RAG1: variants seen among roughly 807,000 people sequenced by gnomAD.
RAG1 encodes recombination activating 1, also known as V(D)J recombination-activating protein 1.
A neutral mutation model predicts 62.7 loss-of-function variants in RAG1; 35 were observed. The ratio of observed to expected loss-of-function variants is 0.56; its 90% CI spans 0.43 to 0.74. The LOEUF (loss-of-function observed/expected upper bound fraction) is 0.74, where lower values mean the gene tolerates loss of function less well. Among genes scored for constraint, RAG1 ranks in the 30% least tolerant of loss-of-function variants. The pLI, the probability that RAG1 is intolerant of heterozygous loss-of-function variation, is 0.00. For missense variants in RAG1, 1,169 were observed against 1,278.6 expected, an observed-to-expected ratio of 0.91 and a Z score of 1.31; for synonymous variants, 461 against 470.3, an observed-to-expected ratio of 0.98 and a Z score of 0.26.
At chr11:36,533,504 G>A (rs1487722183) in intron 2 of RAG1, among the ~76,000 whole-genome samples, 2 of 152,134 alleles carry the variant, frequency 1.3e-5, no homozygotes, top group African/African-American at 4.8e-5. Context: ...AAACTTTTGT[G>A]AACTCAAAGA....
chr11:36,533,430 TG>T (rs764923766), intron 2 of RAG1, among the ~76,000 whole-genome samples: 1 of 152,212 alleles, frequency 6.6e-6, no homozygotes, highest in Non-Finnish European at 1.5e-5. Flanking sequence ...TGAGGCATAT[TG>T]GTAAGCAGTG....
chr11:36,562,170 T>C (rs1413889891), intron 3 of RAG1, among the ~76,000 whole-genome samples: 2 of 152,128 alleles, frequency 1.3e-5, no homozygotes, highest in African/African-American at 4.8e-5. Flanking sequence ...AGATTAGAAT[T>C]TGTTGACTGA....
In RAG1 at chr11:36,574,027, C is replaced by G; in HGVS notation, c.723C>G (p.Asp241Glu). The G allele has an allele frequency of 6.2e-7, 1 of 1,614,128 alleles. No homozygotes were observed. The highest frequency in any genetic ancestry group is 8.5e-7 in the Non-Finnish European group (1 of 1,180,032). The change falls in exon 2 of 2, where the codon GAC becomes GAG. Residue 241 changes from aspartate (D) to glutamate (E), a missense_variant. By Grantham distance (45) the Asp-to-Glu change is conservative. Transcript: ENST00000299440. ...QLSKKLKTVL[D>E]QARQARQHKR... ...GCAAAAAACTCAAAACTGTGCTTGA[C>G]CAAGCAAGACAAGCCCGTCAGCACA...
chr11:36,537,368 G>T (rs898597469), downstream of RAG1, among the ~76,000 whole-genome samples: 3 of 152,112 alleles, frequency 2.0e-5, no homozygotes, highest in Non-Finnish European at 4.4e-5. Flanking sequence ...CATATTTAGG[G>T]TCTTGATTGT....
chr11:36,547,662 C>A (rs553594938), intron 3 of RAG1, among the ~76,000 whole-genome samples: 1 of 152,110 alleles, frequency 6.6e-6, no homozygotes, highest in African/African-American at 2.4e-5. Flanking sequence ...AAGTCCAGGA[C>A]CAGATGGATT....
chr11:36,523,134 C>T (rs7949937), intron 2 of RAG1, among the ~76,000 whole-genome samples: 4 of 152,034 alleles, frequency 2.6e-5, no homozygotes, highest in Admixed American at 6.6e-5. Context: ...TGTGAAGATA[C>T]GATATTTGGG....
At chr11:36,557,613 A>T (rs1449391434) in intron 3 of RAG1, among the ~76,000 whole-genome samples, 1 of 152,104 alleles carries the variant, frequency 6.6e-6, no homozygotes, top group Non-Finnish European at 1.5e-5. Flanking sequence ...AGCTGTTCCT[A>T]TTCGGCCATC....
At chr11:36,520,523 C>T (rs1236177414) in intron 2 of RAG1, among the ~76,000 whole-genome samples, 1 of 152,136 alleles carries the variant, frequency 6.6e-6, no homozygotes, top group Admixed American at 6.5e-5. Context: ...GTGTTCCACC[C>T]GCCTCGACCT....
downstream of RAG1, among the ~76,000 whole-genome samples, chr11:36,540,000 C>G (rs1860390876): frequency 6.6e-6 from 1 of 152,162 alleles, no homozygotes; most frequent in East Asian, 1.9e-4. Context: ...GCTCAATTAA[C>G]CTGTAGCTTG....
chr11:36,549,566 T>C (rs1008013043), intron 3 of RAG1, among the ~76,000 whole-genome samples: 17 of 152,154 alleles, frequency 1.1e-4, no homozygotes, highest in African/African-American at 4.1e-4. Flanking sequence ...CACAATAAGA[T>C]ACCATCTCAC....
chr11:36,522,759 G>T (rs1345944058), intron 2 of RAG1, among the ~76,000 whole-genome samples: 2 of 152,254 alleles, frequency 1.3e-5, no homozygotes, highest in East Asian at 3.8e-4. Flanking sequence ...AGCCACAGGG[G>T]CAGAGCTGCC....
At chr11:36,545,154 C>CT (rs1308128562) in intron 3 of RAG1, among the ~76,000 whole-genome samples, 1 of 152,090 alleles carries the variant, frequency 6.6e-6, no homozygotes, top group Non-Finnish European at 1.5e-5. Flanking sequence ...TTACACATAT[C>CT]TTTTTTTGCA....
intron 2 of RAG1, among the ~76,000 whole-genome samples, chr11:36,532,350 T>C (rs1356329505): frequency 6.6e-6 from 1 of 152,142 alleles, no homozygotes; most frequent in Non-Finnish European, 1.5e-5. Context: ...AATTTTATGT[T>C]GATCATTTTT....
At chr11:36,549,928 T>C (rs1365629169) in intron 3 of RAG1, among the ~76,000 whole-genome samples, 1 of 152,172 alleles carries the variant, frequency 6.6e-6, no homozygotes, top group East Asian at 1.9e-4. Flanking sequence ...TAGAATACTA[T>C]GCAGCCACAG....
Position 36,576,154 on chromosome 11 carries a change from TG to T in RAG1, c.2851del (p.Glu951ArgfsTer27). On this transcript the variant is annotated frameshift_variant, in exon 2 of 2. Coordinates refer to ENST00000299440, the MANE Select transcript of RAG1 (RefSeq NM_000448.3). LOFTEE classifies it high-confidence loss of function. ...KTLAHVPEII[E>X]RDGSIGAWAS... ...CCCTGGCCCATGTTCCTGAAATTAT[TG>T]AGAGGGATGGCTCCATTGGGGCATG... 1.9e-6 allele frequency: 3 copies of T among 1,614,048 alleles called. No individual in the cohort carries two copies. The highest frequency in any genetic ancestry group is 2.5e-6 in the Non-Finnish European group (3 of 1,180,012).
intron 2 of RAG1, among the ~76,000 whole-genome samples, chr11:36,521,941 T>G (rs973838824): frequency 6.6e-6 from 1 of 152,098 alleles, no homozygotes; most frequent in Non-Finnish European, 1.5e-5. Flanking sequence ...TTAGGGTATC[T>G]GGTGGAAGAA....
rs538465318 is a variant in RAG1, at chr11:36,561,181, G to A, written c.-411-2204G>A. On this transcript the variant is annotated intron_variant and NMD_transcript_variant, in intron 3 of 9. Transcript: ENST00000534663. ...GCTCATTCACTTGGAGCACAATGTG[G>A]GGCTGAGGAAGGAAAAGATGGATTT... Among the ~76,000 whole-genome samples, 105 of 152,328 alleles carry A rather than the reference G, an allele frequency of 6.9e-4. 1 individual carries two copies. The highest frequency in any genetic ancestry group is 2.3e-3 in the African/African-American group (97 of 41,578).
At chr11:36,524,272 A>G (rs1190562076) in intron 2 of RAG1, among the ~76,000 whole-genome samples, 1 of 151,746 alleles carries the variant, frequency 6.6e-6, no homozygotes, top group African/African-American at 2.4e-5. Flanking sequence ...GCACACCAAC[A>G]TGGCACATGT....
At chr11:36,544,010 C>A (rs1053590104) in intron 3 of RAG1, among the ~76,000 whole-genome samples, 60 of 152,160 alleles carry the variant, frequency 3.9e-4, no homozygotes, top group Admixed American at 2.0e-4. Context: ...TCTCTCATAG[C>A]CCTACCTGGT....
Sources: allele counts gnomAD v4.1 joint callset (sites outside exome capture counted in the v4.1 genomes callset), GRCh38; gene constraint gnomAD v4.1.1; transcripts MANE v1.5; gene names NCBI Gene and HGNC (gene_info 2026-07-23, HGNC 2026-07-21).